The following ZNF70 variants were observed in gnomAD, a reference collection of about 807,000 sequenced individuals.
ZNF70 encodes zinc finger protein 70.
ZNF70 carries 18 observed loss-of-function variants against 37.7 expected under a neutral mutation model. That is an observed-to-expected ratio of 0.48 (90% CI 0.33 to 0.71). ZNF70 has a LOEUF of 0.71. Among genes scored for constraint, ZNF70 ranks in the 30% least tolerant of loss-of-function variants. ZNF70 has a pLI of 0.02. For synonymous variants in ZNF70, 219 were observed against 220.1 expected, an observed-to-expected ratio of 0.99 and a Z score of 0.05; for missense variants, 506 against 568.6, an observed-to-expected ratio of 0.89 and a Z score of 1.12.
rs946134961 is a variant in ZNF70, at chr22:23,741,591, T to C, written c.*2209A>G. On this transcript the variant is annotated 3_prime_UTR_variant, in exon 2 of 2. Coordinates refer to ENST00000341976, the MANE Select transcript of ZNF70 (RefSeq NM_021916.4). ...ACCCACTTAGTAACAGTTATGGCTT[T>C]CCCATGTTTATTCATCAAAACTAGG... The C allele has an allele frequency of 6.6e-6, 1 of 152,236 alleles. No homozygotes were observed. Among genetic ancestry groups the C allele is most frequent in the Non-Finnish European group, 1.5e-5 (1 of 68,046 alleles). The allele number at this position is 152,236 out of a possible 1,614,324, so 9.4% of individuals were successfully genotyped here.
intron 1 of ZNF70, among the ~76,000 whole-genome samples, chr22:23,748,885 G>A (rs1369722532): frequency 1.3e-5 from 2 of 148,880 alleles, no homozygotes; most frequent in African/African-American, 2.5e-5. Context: ...CCAATAGACC[G>A]ACTGGATATA....
At chr22:23,747,861 A>T (rs969276976) in intron 1 of ZNF70, among the ~76,000 whole-genome samples, 1 of 152,058 alleles carries the variant, frequency 6.6e-6, no homozygotes, top group Admixed American at 6.6e-5. Flanking sequence ...AAATAAAATA[A>T]AACAGACAAA....
chr22:23,744,564 C>T lies in ZNF70; in HGVS notation c.577G>A (p.Glu193Lys), dbSNP rs746380048. 6.2e-7 allele frequency: 1 copy of T among 1,613,838 alleles called. No homozygotes were observed. Among genetic ancestry groups the T allele is most frequent in the African/African-American group, 1.3e-5 (1 of 74,980 alleles). Residue 193 changes from glutamate to lysine, a missense_variant, in exon 2 of 2, where the codon GAG becomes AAG. Physicochemically the swap from Glu to Lys is moderately conservative, Grantham distance 56. Coordinates refer to ENST00000341976, the MANE Select transcript of ZNF70 (RefSeq NM_021916.4). ...CACTCCCGGCACTCGTAGGGCTTCT[C>T]CCCGGTGTGGATGATCTGGTGCCTG... Reference protein sequence around the residue: ...LLRHQIIHTGEKPYECRECGK... With the variant: ...LLRHQIIHTGKKPYECRECGK...
chr22:23,746,184 C>T (rs1925114420), intron 1 of ZNF70, among the ~76,000 whole-genome samples: 1 of 150,726 alleles, frequency 6.6e-6, no homozygotes, highest in African/African-American at 2.4e-5. Context: ...AAACATAAGC[C>T]TGATTATGGT....
rs1300797403 is a variant in ZNF70, at chr22:23,739,663, A to T, written c.*4137T>A. On this transcript the variant is annotated 3_prime_UTR_variant, in exon 2 of 2. Coordinates refer to ENST00000341976, the MANE Select transcript of ZNF70 (RefSeq NM_021916.4). ...ACCCAGGCTGAAGGGTAGTGGCACA[A>T]TCTTGGCTCACTGCAACCTCCGCCT... The T allele has an allele frequency of 6.6e-6, 1 of 150,634 alleles. No homozygotes were observed. The highest frequency in any genetic ancestry group is 2.4e-5 in the African/African-American group (1 of 40,854). The allele number at this position is 150,634 out of a possible 1,614,324, so 9.3% of individuals were successfully genotyped here. A position where few individuals can be genotyped will look rare whatever the true frequency, so the allele number is the denominator to read the frequency against.
chr22:23,741,533 T>C lies in ZNF70; in HGVS notation c.*2267A>G, dbSNP rs977097473. On this transcript the variant is annotated 3_prime_UTR_variant, in exon 2 of 2. Transcript: ENST00000341976. ...CCACCATGACCTCTCCAGCCCATCA[T>C]ATCTGTCATTTGGAAATCTCTGGCC... The C allele has an allele frequency of 6.6e-6, 1 of 152,246 alleles. No homozygotes were observed. Among genetic ancestry groups the C allele is most frequent in the African/African-American group, 2.4e-5 (1 of 41,470 alleles). 9.4% of individuals were successfully genotyped at this position (152,246 alleles called of 1,614,324 possible). A position where few individuals can be genotyped will look rare whatever the true frequency, so the allele number is the denominator to read the frequency against.
At position 23,744,054 on chromosome 22, in the gene ZNF70, G is replaced by A. The variant is rs201651839; in HGVS notation, c.1087C>T (p.Pro363Ser). ...EHQRIHTGEK[P>S]YECCQCGKAF... ...TTGCCACACTGACAGCACTCGTAGG[G>A]CTTCTCACCGGTGTGGATGCGCTGG... The change falls in exon 2 of 2, where the codon CCC becomes TCC. Residue 363 changes from proline (P) to serine (S), a missense_variant. Transcript: ENST00000341976. 66 of 1,614,102 alleles carry A rather than the reference G, an allele frequency of 4.1e-5. No homozygotes were observed. Among genetic ancestry groups the A allele is most frequent in the Non-Finnish European group, 5.3e-5 (63 of 1,180,044 alleles).
chr22:23,744,740 G>A lies in ZNF70; in HGVS notation c.401C>T (p.Pro134Leu). Residue 134 changes from proline (P) to leucine (L), a missense_variant, in exon 2 of 2, where the codon CCA becomes CTA. Coordinates refer to ENST00000341976, the MANE Select transcript of ZNF70 (RefSeq NM_021916.4). ...DSGPNAPHRT[P>L]QPAKPYACRE... is the part of the protein sequence containing the mutation. ...ACACGCATAGGGCTTGGCTGGTTGT[G>A]GGGTTCTGTGAGGTGCGTTAGGTCC... is the stretch of plus-strand genomic sequence containing the variant. 7 of 1,614,208 alleles carry A rather than the reference G, an allele frequency of 4.3e-6. No homozygotes were observed. Among genetic ancestry groups the A allele is most frequent in the Middle Eastern group, 1.6e-4 (1 of 6,062 alleles).
chr22:23,743,813 C>G lies in ZNF70; in HGVS notation c.1328G>C (p.Gly443Ala), dbSNP rs761424879. Residue 443 changes from glycine (G) to alanine (A), a missense_variant, in exon 2 of 2, where the codon GGG becomes GCG. Transcript: ENST00000341976. ...GGGCTCCTCTTTCTATAGCTTCTCC[C>G]CAGAATGAATCTTCTGATGGCGAAT... ...HLIRHQKIHSGEKL is the reference protein window; with the variant it reads ...HLIRHQKIHSAEKL 4 of 1,613,574 alleles carry G rather than the reference C, an allele frequency of 2.5e-6. No homozygotes were observed.
rs1294827328 is a variant in ZNF70, at chr22:23,741,632, G to C, written c.*2168C>G. The stretch of plus-strand genomic sequence containing the variant: ...CAAAACTAGGCATAATGGCCATGCT[G>C]AGCTTCTGATCAGCTGAAATACCCA... On this transcript the variant is annotated 3_prime_UTR_variant, in exon 2 of 2. Transcript: ENST00000341976. 1.3e-5 allele frequency: 2 copies of C among 152,222 alleles called. No homozygotes were observed. Among genetic ancestry groups the C allele is most frequent in the Non-Finnish European group, 2.9e-5 (2 of 68,038 alleles). The allele number at this position is 152,222 out of a possible 1,614,324, so 9.4% of individuals were successfully genotyped here. A position where few individuals can be genotyped will look rare whatever the true frequency, so the allele number is the denominator to read the frequency against.
At position 23,744,401 on chromosome 22, in the gene ZNF70, G is replaced by GT; in HGVS notation, c.739dup (p.Thr247AsnfsTer9). ...CTTACACTGATAAGGTCTCTCTCCT[G>GT]TATGAATTCTCTCGTGTTTTCTGAG... On this transcript the variant is annotated frameshift_variant, in exon 2 of 2. Transcript: ENST00000341976. LOFTEE classifies it high-confidence loss of function. The GT allele has an allele frequency of 8.7e-6, 14 of 1,614,134 alleles. No homozygotes were observed. The highest frequency in any genetic ancestry group is 1.2e-5 in the Non-Finnish European group (14 of 1,180,028).
intron 1 of ZNF70, among the ~76,000 whole-genome samples, chr22:23,748,534 C>T (rs953353179): frequency 6.6e-6 from 1 of 151,184 alleles, no homozygotes; most frequent in African/African-American, 2.5e-5. Context: ...GCCACCATGC[C>T]CAGCAGAAAT....
rs766605574 is a variant in ZNF70 at position 23,744,540 on chromosome 22, A to G, written c.601T>C (p.Cys201Arg). The G allele has an allele frequency of 4.6e-5, 74 of 1,612,974 alleles. No homozygotes were observed. The highest frequency in any genetic ancestry group is 5.9e-5 in the Non-Finnish European group (70 of 1,179,762). Residue 201 changes from cysteine to arginine, a missense_variant, in exon 2 of 2, where the codon TGT (cysteine) becomes CGT (arginine). Coordinates refer to ENST00000341976, the MANE Select transcript of ZNF70 (RefSeq NM_021916.4). ...GAGCTCTGGCGGAAGGCCTTCCCAC[A>G]CTCCCGGCACTCGTAGGGCTTCTCC... Reference protein sequence around the residue: ...TGEKPYECRECGKAFRQSSAL... With the variant: ...TGEKPYECRERGKAFRQSSAL...
Position 23,744,925 on chromosome 22 carries a change from G to T in ZNF70, c.216C>A (p.Ser72Arg). ...DYEGNFSLCSSPVQHQSIPPG... is the reference protein window; with the variant it reads ...DYEGNFSLCSRPVQHQSIPPG... Reference sequence around the variant, plus strand: ...GGGGGATACTTTGATGCTGAACAGGGCTTGAGCACAAACTGAAATTCCCCT... The same window carrying T: ...GGGGGATACTTTGATGCTGAACAGGTCTTGAGCACAAACTGAAATTCCCCT... Residue 72 changes from serine (S) to arginine (R), a missense_variant, in exon 2 of 2, where the codon AGC becomes AGA. Transcript: ENST00000341976. 6.2e-7 allele frequency: 1 copy of T among 1,614,180 alleles called. No homozygotes were observed. Among genetic ancestry groups the T allele is most frequent in the Non-Finnish European group, 8.5e-7 (1 of 1,180,042 alleles).
rs1414500951 is a variant in ZNF70 at position 23,743,764 on chromosome 22, G to C, written c.*36C>G. The stretch of plus-strand genomic sequence containing the variant: ...GCGACGTGGAATAAAGGCTCCATCT[G>C]GCACAGGCTTTCAAGCTTTGTGTGG... On this transcript the variant is annotated 3_prime_UTR_variant, in exon 2 of 2. Transcript: ENST00000341976. 1 of 1,587,668 alleles carries C rather than the reference G, an allele frequency of 6.3e-7. No individual in the cohort carries two copies. The highest frequency in any genetic ancestry group is 1.8e-5 in the Admixed American group (1 of 56,372).
In ZNF70 at chr22:23,740,996, G is replaced by T. The variant is rs145933736; in HGVS notation, c.*2804C>A. 4.5e-3 allele frequency: 689 copies of T among 152,424 alleles called. 16 individuals carry two copies. In the South Asian group the frequency reaches 0.055, roughly 12 times the overall value. The allele number at this position is 152,424 out of a possible 1,614,324, so 9.4% of individuals were successfully genotyped here. On this transcript the variant is annotated 3_prime_UTR_variant, in exon 2 of 2. Transcript: ENST00000341976. ...AGAACAGCACAGAATTATGAGCTGG[G>T]AGTGATGCTGGAGTGGGCAGGGGCG...
At chr22:23,746,925 A>C (rs1366526723) in intron 1 of ZNF70, among the ~76,000 whole-genome samples, 1 of 152,108 alleles carries the variant, frequency 6.6e-6, no homozygotes, top group African/African-American at 2.4e-5. Context: ...GACTCGTCCA[A>C]ATGTCCCTTT....
intron 1 of ZNF70, among the ~76,000 whole-genome samples, chr22:23,749,336 G>A (rs1303426175): frequency 1.8e-5 from 2 of 109,482 alleles, no homozygotes; most frequent in African/African-American, 7.3e-5. Context: ...GTAACAGAGC[G>A]AGACTCCATC....
chr22:23,748,181 AG>A (rs202197574), intron 1 of ZNF70, among the ~76,000 whole-genome samples: 25,951 of 132,210 alleles, frequency 0.2, 2,396 homozygotes, highest in African/African-American at 0.36. Flanking sequence ...TAACTGCCTC[AG>A]AAAAAAAAAA....
Sources: allele counts gnomAD v4.1 joint callset (sites outside exome capture counted in the v4.1 genomes callset), GRCh38; gene constraint gnomAD v4.1.1; transcripts MANE v1.5; gene names NCBI Gene and HGNC (gene_info 2026-07-23, HGNC 2026-07-21).